TMEM132A: variants seen among roughly 807,000 people sequenced by gnomAD.
The protein encoded by TMEM132A is transmembrane protein 132A, also known as GRP78-binding protein.
TMEM132A carries 48 observed loss-of-function variants against 69.9 expected under a neutral mutation model. The ratio of observed to expected loss-of-function variants is 0.69; its 90% CI spans 0.55 to 0.87. The LOEUF (loss-of-function observed/expected upper bound fraction) is 0.87, where lower values mean the gene tolerates loss of function less well. Among genes scored for constraint, TMEM132A ranks in the 40% least tolerant of loss-of-function variants. The probability of loss-of-function intolerance (pLI) is 0.00; values close to 1 mark genes in which losing one functional copy is unlikely to be tolerated. For synonymous variants in TMEM132A, 577 were observed against 613.7 expected, an observed-to-expected ratio of 0.94 and a Z score of 0.88; for missense variants, 1,287 against 1,407.2, an observed-to-expected ratio of 0.91 and a Z score of 1.37.
intron 3 of TMEM132A, 117 bp from the exon 4 acceptor site, chr11:60,928,512 C>T (rs1379248076): frequency 3.1e-6 from 3 of 982,680 alleles, no homozygotes; most frequent in Non-Finnish European, 4.5e-6. Flanking sequence ...CCGGCCCATG[C>T]TGGGCCTCCC....
In TMEM132A at chr11:60,929,026, C is replaced by G; in HGVS notation, c.866+66C>G. The G allele has an allele frequency of 2.0e-6, 3 of 1,521,116 alleles. No individual in the cohort carries two copies. The South Asian group carries it at 3.4e-5, about 17-fold the overall frequency. 94.2% of individuals were successfully genotyped at this position (1,521,116 alleles called of 1,614,324 possible). A position where few individuals can be genotyped will look rare whatever the true frequency, so the allele number is the denominator to read the frequency against. ...CTGTGGGAAGACTAGGGACAGGTAC[C>G]TGCTCCTCCTGGGGTCCTTGCTGGA... On this transcript the variant is annotated intron_variant, in intron 4 of 10. Coordinates refer to ENST00000453848, the MANE Select transcript of TMEM132A (RefSeq NM_178031.3).
rs112366892 is a variant in TMEM132A, at chr11:60,935,233, A to G, written c.1837-19A>G. The stretch of plus-strand genomic sequence containing the variant: ...TCTGTATGGAAGGCCCCCCACCTCC[A>G]GCTCCTTTCCACCCTCAGGTGCGTT... On this transcript the variant is annotated intron_variant, in intron 9 of 10. Coordinates refer to ENST00000453848, the MANE Select transcript of TMEM132A (RefSeq NM_178031.3). The surrounding 1 kb of genome is among the most constrained non-coding windows in gnomAD (Gnocchi z 5.0). The G allele has an allele frequency of 7.1e-3, 11,347 of 1,588,394 alleles. 657 individuals carry two copies. In the African/African-American group the frequency reaches 0.13, roughly 18 times the overall value.
chr11:60,927,360 C>A lies in TMEM132A; in HGVS notation c.257C>A (p.Pro86His). ...SRSETFLLLQ[P>H]WPRAQPLLRA... is the part of the protein sequence containing the mutation. ...TCTGAGACCTTTCTGCTCCTACAGC[C>A]CTGGCCCAGGGCCCAGCCACTTCTC... The change falls in exon 2 of 11, where the codon CCC becomes CAC. Residue 86 changes from proline (P) to histidine (H), a missense_variant. Physicochemically the swap from Pro to His is moderately conservative, Grantham distance 77. Coordinates refer to ENST00000453848, the MANE Select transcript of TMEM132A (RefSeq NM_178031.3). 3 of 1,613,390 alleles carry A rather than the reference C, an allele frequency of 1.9e-6. No homozygotes were observed. The highest frequency in any genetic ancestry group is 2.5e-6 in the Non-Finnish European group (3 of 1,180,012).
At position 60,924,703 on chromosome 11, in the gene TMEM132A, C is replaced by A; in HGVS notation, c.70C>A (p.Leu24Met). 6.3e-7 allele frequency: 1 copy of A among 1,588,510 alleles called. No individual in the cohort carries two copies. Among genetic ancestry groups the A allele is most frequent in the Middle Eastern group, 1.9e-4 (1 of 5,286 alleles). ...RGPYGPWLCLLVALALDVVRV... is the reference protein window; with the variant it reads ...RGPYGPWLCLMVALALDVVRV... Reference sequence around the variant, plus strand: ...GCCCTACGGCCCCTGGCTCTGCCTCCTGGTGGCCCTCGCCCTGGACGTCGT... The same window carrying A: ...GCCCTACGGCCCCTGGCTCTGCCTCATGGTGGCCCTCGCCCTGGACGTCGT... Residue 24 changes from leucine (L) to methionine (M), a missense_variant, in exon 1 of 11, where the codon CTG (leucine) becomes ATG (methionine). Leu to Met is a conservative substitution (Grantham distance 15). Transcript: ENST00000453848.
rs769961319 is a variant in TMEM132A, at chr11:60,935,996, G to T, written c.2161G>T (p.Gly721Cys). The T allele has an allele frequency of 8.7e-6, 14 of 1,609,492 alleles. No individual in the cohort carries two copies. Among genetic ancestry groups the T allele is most frequent in the South Asian group, 2.2e-5 (2 of 90,906 alleles). The change falls in exon 11 of 11, where the codon GGT becomes TGT. Residue 721 changes from glycine to cysteine, a missense_variant. By Grantham distance (159) the Gly-to-Cys change is radical. Coordinates refer to ENST00000453848, the MANE Select transcript of TMEM132A (RefSeq NM_178031.3). This position sits in a 1 kb window ranked among gnomAD's most constrained non-coding sequence, Gnocchi z 5.0. ...TGCCATCCTGCCAGCTGAGGAGCAG[G>T]GTGCCCAGCTCGGGGTGGTGGTGAG... ...PGAILPAEEQ[G>C]AQLGVVVSGA...
rs79240288 is a variant in TMEM132A at position 60,930,275 on chromosome 11, G to A, written c.867-235G>A. Among the ~76,000 whole-genome samples the A allele has an allele frequency of 2.6e-4, 40 of 152,262 alleles. No homozygotes were observed. The East Asian group carries it at 5.8e-3, about 22-fold the overall frequency. ...GACCCTGGAGGGCCCCCAAATGCCCGGCTAAGCTTTGACCTTATGGGCAGT... is the reference window on the plus strand; with the variant it reads ...GACCCTGGAGGGCCCCCAAATGCCCAGCTAAGCTTTGACCTTATGGGCAGT... On this transcript the variant is annotated intron_variant, in intron 4 of 10. Transcript: ENST00000453848.
At chr11:60,926,459 T>G (rs1856347908) in intron 1 of TMEM132A, 1 of 152,334 alleles carries the variant, frequency 6.6e-6, no homozygotes. Flanking sequence ...AATTCTCACC[T>G]GCATATAGCA....
In TMEM132A at chr11:60,924,586, C is replaced by G. The variant is rs1388100947; in HGVS notation, c.-48C>G. 1 of 1,486,808 alleles carries G rather than the reference C, an allele frequency of 6.7e-7. No homozygotes were observed. Among genetic ancestry groups the G allele is most frequent in the East Asian group, 2.5e-5 (1 of 39,690 alleles). 92.1% of individuals were successfully genotyped at this position (1,486,808 alleles called of 1,614,324 possible). A position where few individuals can be genotyped will look rare whatever the true frequency, so the allele number is the denominator to read the frequency against. ...CGGGTGCGGGAGATGCCGTGCGGGA[C>G]TGGGGCCACCTGAGCCGCCCGCCTC... On this transcript the variant is annotated 5_prime_UTR_variant, in exon 1 of 11. Coordinates refer to ENST00000453848, the MANE Select transcript of TMEM132A (RefSeq NM_178031.3).
chr11:60,924,780 G>C (rs769570066), intron 1 of TMEM132A, 47 bp downstream of exon 1: 85 of 1,308,306 alleles, frequency 6.5e-5, no homozygotes, highest in Non-Finnish European at 8.3e-5. Context: ...GGGCCCGGCC[G>C]AGTGGGAGCG....
intron 8 of TMEM132A, 186 bp downstream of exon 8, chr11:60,933,930 C>T: frequency 1.7e-6 from 1 of 599,286 alleles, no homozygotes; most frequent in Non-Finnish European, 2.9e-6. Context: ...TTGCTGACTT[C>T]CGCATCCCTC....
chr11:60,935,634 G>A lies in TMEM132A; in HGVS notation c.2028+191G>A, dbSNP rs540808378. ...AGTGGCTGGAGTATGGCAGTGGGAG[G>A]TTGGTTAGATGGCTCTAACTGAGGA... is the stretch of plus-strand genomic sequence containing the variant. On this transcript the variant is annotated intron_variant, in intron 10 of 10. Coordinates refer to ENST00000453848, the MANE Select transcript of TMEM132A (RefSeq NM_178031.3). The surrounding 1 kb of genome is among the most constrained non-coding windows in gnomAD (Gnocchi z 5.0). 1 of 790,068 alleles carries A rather than the reference G, an allele frequency of 1.3e-6. No individual in the cohort carries two copies. The highest frequency in any genetic ancestry group is 1.8e-5 in the South Asian group (1 of 54,802). The allele number at this position is 790,068 out of a possible 1,614,324, so 48.9% of individuals were successfully genotyped here.
rs1454892954 is a variant in TMEM132A at position 60,934,650 on chromosome 11, G to A, written c.1722G>A (p.Leu574=). 1.3e-6 allele frequency: 2 copies of A among 1,595,860 alleles called. No individual in the cohort carries two copies. The highest frequency in any genetic ancestry group is 8.5e-7 in the Non-Finnish European group (1 of 1,178,160). The change falls in exon 9 of 11, where the codon CTG becomes CTA. Residue 574 remains leucine, a synonymous_variant. Transcript: ENST00000453848. The part of the protein sequence containing the change: ...RLTHLLGPDW[L]LDVSHLVAPH... ...CGCACCTGCTTGGCCCCGACTGGCT[G>A]CTAGACGTGTCCCACCTCGTGGCGC...
In TMEM132A at chr11:60,936,593, G is replaced by A; in HGVS notation, c.2758G>A (p.Glu920Lys). The A allele has an allele frequency of 3.8e-6, 6 of 1,595,274 alleles. No homozygotes were observed. In the South Asian group the frequency reaches 6.7e-5, roughly 18 times the overall value. ...GCAGTCCCCTGGCCCGCCCAAGGGG[G>A]AGGGGAGCTGCCCCTGTGAGAGTGG... ...DRQSPGPPKG[E>K]GSCPCESGGG... The change falls in exon 11 of 11, where the codon GAG becomes AAG. Residue 920 changes from glutamate to lysine, a missense_variant. Transcript: ENST00000453848.
intron 4 of TMEM132A, 39 bp downstream of exon 4, chr11:60,928,999 C>A (rs909614917): frequency 1.9e-6 from 3 of 1,603,140 alleles, no homozygotes; most frequent in African/African-American, 2.7e-5. Context: ...GGGTGGGAAC[C>A]TCTGTGGGAA....
intron 4 of TMEM132A, among the ~76,000 whole-genome samples, chr11:60,929,504 C>G (rs761435961): frequency 6.6e-6 from 1 of 152,188 alleles, no homozygotes; most frequent in Non-Finnish European, 1.5e-5. Context: ...CCAGTTCACC[C>G]GGCAAGGGCT....
intron 7 of TMEM132A, chr11:60,933,252 G>A (rs1419747611): frequency 1.8e-5 from 8 of 452,638 alleles, no homozygotes; most frequent in African/African-American, 6.0e-5. Flanking sequence ...GGTACAGTCC[G>A]GCTCACTGCA....
At position 60,935,983 on chromosome 11, in the gene TMEM132A, A is replaced by G; in HGVS notation, c.2148A>G (p.Pro716=). 6.2e-7 allele frequency: 1 copy of G among 1,610,478 alleles called. No individual in the cohort carries two copies. Among genetic ancestry groups the G allele is most frequent in the Non-Finnish European group, 8.5e-7 (1 of 1,179,642 alleles). Residue 716 remains proline (P), a synonymous_variant, in exon 11 of 11, where the codon CCA becomes CCG. Transcript: ENST00000453848. The surrounding 1 kb of genome is among the most constrained non-coding windows in gnomAD (Gnocchi z 5.0). The part of the protein sequence containing the change: ...VSAEEPGAIL[P]AEEQGAQLGV... The stretch of plus-strand genomic sequence containing the variant: ...CCGAGGAGCCTGGTGCCATCCTGCC[A>G]GCTGAGGAGCAGGGTGCCCAGCTCG...
At chr11:60,928,608 A>T in intron 3 of TMEM132A, 21 bp from the exon 4 acceptor site, 1 of 1,601,810 alleles carries the variant, frequency 6.2e-7, no homozygotes, top group Non-Finnish European at 8.5e-7. Flanking sequence ...CATGCCAATT[A>T]CTGCTGTCGT....
In TMEM132A at chr11:60,936,425, T is replaced by G. The variant is rs770124574; in HGVS notation, c.2590T>G (p.Phe864Val). Residue 864 changes from phenylalanine (F) to valine (V), a missense_variant, in exon 11 of 11, where the codon TTC becomes GTC. By Grantham distance (50) the Phe-to-Val change is conservative (BLOSUM62 -1). Coordinates refer to ENST00000453848, the MANE Select transcript of TMEM132A (RefSeq NM_178031.3). ...LGVFCVAIFI[F>V]LVNGVVFVLR... ...AGTCTTCTGCGTGGCCATCTTCATC[T>G]TCTTGGTCAATGGTGTGGTCTTCGT... The G allele has an allele frequency of 1.2e-5, 20 of 1,614,096 alleles. No individual in the cohort carries two copies. In the Admixed American group the frequency reaches 3.0e-4, roughly 24 times the overall value.
Sources: gnomAD v4.1 joint callset for allele counts (sites outside exome capture counted in the v4.1 genomes callset) on GRCh38, gnomAD v4.1.1 for gene constraint, Gnocchi (gnomAD v3.1) non-coding constraint, MANE v1.5 for transcripts, NCBI Gene and HGNC (gene_info 2026-07-23, HGNC 2026-07-21) for gene names.